Variants in SLC4A7 observed in about 807,000 individuals in gnomAD.
SLC4A7 encodes the protein solute carrier family 4 member 7, also known as sodium bicarbonate cotransporter 3.
In SLC4A7, 51 loss-of-function variants were observed where a neutral mutation model predicts 137.6. The ratio of observed to expected loss-of-function variants is 0.37; its 90% confidence interval spans 0.30 to 0.47. The LOEUF (loss-of-function observed/expected upper bound fraction) is 0.47, where lower values mean the gene tolerates loss of function less well. SLC4A7 is among the 20% of genes least tolerant of loss of function. SLC4A7 has a pLI of 1.00. For missense variants in SLC4A7, 1,247 were observed against 1,525.4 expected, an observed-to-expected ratio of 0.82 and a Z score of 3.04; for synonymous variants, 542 against 518.6, an observed-to-expected ratio of 1.05 and a Z score of -0.61.
chr3:27,394,850 G>A (rs550791947), intron 19 of SLC4A7, 81 bp from the exon 20 acceptor site: 3 of 1,546,718 alleles, frequency 1.9e-6, no homozygotes, highest in South Asian at 2.5e-5. Context: ...TATAAAGAGG[G>A]AAGAAGCTAA....
At chr3:27,478,511 C>CAAA (rs34313327) in intron 1 of SLC4A7, among the ~76,000 whole-genome samples, 7 of 86,130 alleles carry the variant, frequency 8.1e-5, no homozygotes, top group Admixed American at 2.8e-4. Flanking sequence ...GAGACTGCCT[C>CAAA]AAAAAAAAAA....
chr3:27,441,135 A>G (rs1194080536), intron 3 of SLC4A7, among the ~76,000 whole-genome samples: 1 of 152,210 alleles, frequency 6.6e-6, no homozygotes, highest in Non-Finnish European at 1.5e-5. Flanking sequence ...TCGAGGGTTT[A>G]GGAGATGAAT....
At chr3:27,415,475 G>A (rs1252068674) in intron 11 of SLC4A7, among the ~76,000 whole-genome samples, 1 of 152,138 alleles carries the variant, frequency 6.6e-6, no homozygotes, top group Non-Finnish European at 1.5e-5. Context: ...ATTAAATCCT[G>A]GTGCTCACTA....
intron 1 of SLC4A7, among the ~76,000 whole-genome samples, chr3:27,463,679 T>C (rs1328026249): frequency 1.3e-5 from 2 of 152,142 alleles, no homozygotes; most frequent in East Asian, 1.9e-4. Flanking sequence ...GCCGCGAAGT[T>C]TGCGCCATTT....
At chr3:27,450,709 T>G (rs1438372132) in intron 2 of SLC4A7, among the ~76,000 whole-genome samples, 2 of 152,116 alleles carry the variant, frequency 1.3e-5, no homozygotes, top group Non-Finnish European at 2.9e-5. Flanking sequence ...ATCCAAAGAT[T>G]GGTAGATTAA....
At chr3:27,430,605 CAAAAA>C (rs36019447) in intron 7 of SLC4A7, among the ~76,000 whole-genome samples, 15 of 96,662 alleles carry the variant, frequency 1.6e-4, no homozygotes, top group African/African-American at 5.9e-4. Flanking sequence ...ACCCCGTCTC[CAAAAA>C]AAAAAAAAAA....
intron 13 of SLC4A7, among the ~76,000 whole-genome samples, chr3:27,408,586 T>C (rs933215961): frequency 2.0e-5 from 3 of 152,194 alleles, no homozygotes; most frequent in African/African-American, 7.2e-5. Flanking sequence ...AAAAAATGAA[T>C]GTTCTCCCAA....
chr3:27,436,603 A>G, intron 4 of SLC4A7, 55 bp from the exon 5 acceptor site: 2 of 1,074,328 alleles, frequency 1.9e-6, no homozygotes, highest in South Asian at 3.9e-5. Context: ...CCATTTGTTT[A>G]TCTTAATGTG....
intron 12 of SLC4A7, among the ~76,000 whole-genome samples, chr3:27,410,799 G>C (rs2053829575): frequency 6.6e-6 from 1 of 152,058 alleles, no homozygotes; most frequent in African/African-American, 2.4e-5. Context: ...TATTCACAGA[G>C]ACAAAAACAC....
chr3:27,396,386 T>G (rs112160340), intron 18 of SLC4A7, among the ~76,000 whole-genome samples: 1,623 of 152,176 alleles, frequency 0.011, 10 homozygotes, highest in South Asian at 0.02. Context: ...AAGGACATAT[T>G]TAAGAATCAG....
In SLC4A7 at chr3:27,478,077, A is replaced by G. The variant is rs191240123; in HGVS notation, c.60+5990T>C. ...TTTCCAAATTGGGAAATCTGACTGA[A>G]AAGAAGCAATACAGTCCTGGAATCC... On this transcript the variant is annotated intron_variant, in intron 1 of 25. Transcript: ENST00000454389. Among the ~76,000 whole-genome samples the G allele has an allele frequency of 2.1e-3, 324 of 152,334 alleles. 2 individuals are homozygous for G. The highest frequency in any genetic ancestry group is 7.0e-3 in the African/African-American group (292 of 41,576).
At chr3:27,399,324 T>A (rs962511247) in intron 16 of SLC4A7, among the ~76,000 whole-genome samples, 1 of 152,220 alleles carries the variant, frequency 6.6e-6, no homozygotes, top group Non-Finnish European at 1.5e-5. Context: ...CATCATGAAA[T>A]GAATTATTTG....
At chr3:27,420,052 G>C (rs2054795143) in intron 10 of SLC4A7, among the ~76,000 whole-genome samples, 1 of 152,056 alleles carries the variant, frequency 6.6e-6, no homozygotes, top group Admixed American at 6.5e-5. Context: ...AGCTGGGCAT[G>C]GTGGGGTGCA....
intron 20 of SLC4A7, 184 bp from the exon 21 acceptor site, chr3:27,391,992 T>C (rs999233972): frequency 4.4e-6 from 2 of 451,776 alleles, no homozygotes; most frequent in African/African-American, 4.1e-5. Context: ...ACTCATCTTC[T>C]ACATGCTGCT....
At chr3:27,397,421 C>A (rs1412349186) in intron 18 of SLC4A7, among the ~76,000 whole-genome samples, 1 of 151,178 alleles carries the variant, frequency 6.6e-6, no homozygotes, top group Non-Finnish European at 1.5e-5. Context: ...TTTAATGGCT[C>A]CCTACATCTT....
intron 13 of SLC4A7, among the ~76,000 whole-genome samples, chr3:27,407,122 T>A (rs1458256309): frequency 2.0e-5 from 3 of 151,266 alleles, no homozygotes; most frequent in African/African-American, 4.9e-5. Flanking sequence ...TTTTTTTTTT[T>A]TTTTTCTAAT....
rs2049807668 is a variant in SLC4A7 at position 27,375,043 on chromosome 3, A to C, written c.*1721T>G. On this transcript the variant is annotated 3_prime_UTR_variant, in exon 26 of 26. Coordinates refer to ENST00000454389, the MANE Select transcript of SLC4A7 (RefSeq NM_001321103.2). ...TCTAAAGAAAAGCAGCTACATTTCC[A>C]ACCTCTCATCCGAGGCAGAAGTTGA... 1.3e-5 allele frequency: 2 copies of C among 152,164 alleles called. No individual in the cohort carries two copies. Among genetic ancestry groups the C allele is most frequent in the African/African-American group, 4.8e-5 (2 of 41,456 alleles). 9.4% of individuals were successfully genotyped at this position (152,164 alleles called of 1,614,324 possible). A position where few individuals can be genotyped will look rare whatever the true frequency, so the allele number is the denominator to read the frequency against.
chr3:27,418,651 G>C lies in SLC4A7; in HGVS notation c.1513-19C>G, dbSNP rs1256249956. The C allele has an allele frequency of 6.6e-7, 1 of 1,506,148 alleles. No individual in the cohort carries two copies. The highest frequency in any genetic ancestry group is 2.3e-5 in the East Asian group (1 of 43,604). The allele number at this position is 1,506,148 out of a possible 1,614,324, so 93.3% of individuals were successfully genotyped here. On this transcript the variant is annotated intron_variant, in intron 10 of 25. Coordinates refer to ENST00000454389, the MANE Select transcript of SLC4A7 (RefSeq NM_001321103.2). ...GGAAAATCTAAGTGAAAAAAATATT[G>C]AGTAAAAGATTTTAAAGTTGAAAAA...
intron 1 of SLC4A7, among the ~76,000 whole-genome samples, chr3:27,453,510 G>A (rs1486459196): frequency 6.6e-6 from 1 of 152,216 alleles, no homozygotes; most frequent in Non-Finnish European, 1.5e-5. Context: ...CTACTCAGGA[G>A]GCTGAGGCAG....
Sources: allele counts gnomAD v4.1 joint callset (sites outside exome capture counted in the v4.1 genomes callset), GRCh38; gene constraint gnomAD v4.1.1; transcripts MANE v1.5; gene names NCBI Gene and HGNC (gene_info 2026-07-23, HGNC 2026-07-21).